CRB1: variants seen among roughly 807,000 people sequenced by gnomAD.
The protein encoded by CRB1 is protein crumbs homolog 1.
A neutral mutation model predicts 120.0 loss-of-function variants in CRB1; 83 were observed. That is an observed-to-expected ratio of 0.69 (90% confidence interval 0.58 to 0.83). The LOEUF (loss-of-function observed/expected upper bound fraction) is 0.83, where lower values mean the gene tolerates loss of function less well. CRB1 is among the 40% of genes least tolerant of loss of function. The pLI, the probability that CRB1 is intolerant of heterozygous loss-of-function variation, is 0.00. For synonymous variants in CRB1, 625 were observed against 612.5 expected (o/e 1.02, Z -0.30); for missense variants, 1,699 against 1,687.6 (o/e 1.01, Z -0.12).
intron 1 of CRB1, among the ~76,000 whole-genome samples, chr1:197,299,688 C>T (rs1475478123): frequency 6.6e-6 from 1 of 151,996 alleles, no homozygotes; most frequent in African/African-American, 2.4e-5. Flanking sequence ...AATGAATGAA[C>T]TACTGTTATG....
chr1:197,442,668 TACAA>T (rs1665512058), intron 11 of CRB1: 2 of 657,020 alleles, frequency 3.0e-6, no homozygotes, highest in Admixed American at 7.6e-5. Flanking sequence ...GTGTATTTAG[TACAA>T]ACATATTATC....
At chr1:197,424,774 T>G (rs1240493183) in intron 6 of CRB1, among the ~76,000 whole-genome samples, 1 of 152,224 alleles carries the variant, frequency 6.6e-6, no homozygotes, top group Non-Finnish European at 1.5e-5. Context: ...TTATTTATTC[T>G]TGTTAAATTT....
Position 197,429,446 on chromosome 1 carries a change from C to A in CRB1, c.2677-3C>A. 5.6e-6 allele frequency: 9 copies of A among 1,613,948 alleles called. No individual in the cohort carries two copies. The highest frequency in any genetic ancestry group is 7.6e-6 in the Non-Finnish European group (9 of 1,179,908). ...TTATACCTTTGATTTCTTTTCTGCTCAGTCCAACCCCTGTCACAATGGAGG... is the reference window on the plus strand; with the variant it reads ...TTATACCTTTGATTTCTTTTCTGCTAAGTCCAACCCCTGTCACAATGGAGG... On this transcript the variant is annotated splice_polypyrimidine_tract_variant and splice_region_variant and intron_variant, in intron 7 of 11. Coordinates refer to ENST00000367400, the MANE Select transcript of CRB1 (RefSeq NM_201253.3).
At chr1:197,450,707 G>A (rs76128976) in intron 11 of CRB1, among the ~76,000 whole-genome samples, 68,094 of 148,644 alleles carry the variant, frequency 0.46, 18,380 homozygotes, top group East Asian at 0.66. Flanking sequence ...TTGGGAGGCC[G>A]AGGTGGGCGG....
intron 1 of CRB1, among the ~76,000 whole-genome samples, chr1:197,274,123 C>A (rs1164788394): frequency 6.6e-6 from 1 of 152,050 alleles, no homozygotes; most frequent in Admixed American, 6.6e-5. Context: ...CCACATGGAT[C>A]ATTCTAGCTG....
the CRB1 span, chr1:197,222,858 G>T: frequency 6.6e-7 from 1 of 1,513,126 alleles, no homozygotes; most frequent in African/African-American, 1.4e-5. Flanking sequence ...ACTGGAGCTG[G>T]CAGGTTTGGA....
At position 197,349,200 on chromosome 1, in the gene CRB1, C is replaced by T. The variant is rs530402082; in HGVS notation, c.988+1721C>T. On this transcript the variant is annotated intron_variant, in intron 4 of 11. Transcript: ENST00000367400. ...CTACAGTATTCAGTACAGTAACATG[C>T]TGTACAGGTTTGTAGCCTAGCAGCA... Among the ~76,000 whole-genome samples the T allele has an allele frequency of 7.9e-5, 12 of 152,298 alleles. No individual in the cohort carries two copies. The South Asian group carries it at 2.3e-3, about 29-fold the overall frequency.
At chr1:197,356,011 TA>T (rs563232812) in intron 4 of CRB1, among the ~76,000 whole-genome samples, 43 of 152,366 alleles carry the variant, frequency 2.8e-4, no homozygotes, top group Non-Finnish European at 5.6e-4. Flanking sequence ...AAACAAAGGT[TA>T]AACTGTAAGA....
At chr1:197,285,882 A>G (rs539154264) in intron 1 of CRB1, among the ~76,000 whole-genome samples, 1 of 152,064 alleles carries the variant, frequency 6.6e-6, no homozygotes, top group East Asian at 1.9e-4. Context: ...AATTTTTAAC[A>G]ATTACTAGTT....
chr1:197,297,472 T>A (rs1656599380), intron 1 of CRB1, among the ~76,000 whole-genome samples: 1 of 151,968 alleles, frequency 6.6e-6, no homozygotes, highest in Non-Finnish European at 1.5e-5. Context: ...CTAGCTGAGG[T>A]ATGGAGTATG....
At chr1:197,417,638 G>A (rs963924911) in intron 5 of CRB1, among the ~76,000 whole-genome samples, 4 of 152,254 alleles carry the variant, frequency 2.6e-5, no homozygotes, top group Admixed American at 2.6e-4. Flanking sequence ...CTCAGCTGCA[G>A]GAATAGAGTG....
intron 1 of CRB1, 101 bp from the exon 2 acceptor site, chr1:197,328,321 A>T (rs2125303300): frequency 4.5e-6 from 4 of 886,004 alleles, no homozygotes; most frequent in East Asian, 5.2e-5. Context: ...TATGTATTTT[A>T]TTAATGAGTT....
intron 1 of CRB1, among the ~76,000 whole-genome samples, chr1:197,298,771 T>C (rs1341601619): frequency 6.6e-6 from 1 of 152,126 alleles, no homozygotes; most frequent in Non-Finnish European, 1.5e-5. Context: ...ATTGCCATCA[T>C]TGGGAACAGA....
the CRB1 span, among the ~76,000 whole-genome samples, chr1:197,226,520 C>T: frequency 0.6 from 91,227 of 151,940 alleles, 30,132 homozygotes; most frequent in East Asian, 0.94. Flanking sequence ...TCCCCTGCCA[C>T]CCATCTGTTG....
Position 197,435,133 on chromosome 1 carries a change from A to G in CRB1, c.3270A>G (p.Ile1090Met). 6.2e-7 allele frequency: 1 copy of G among 1,613,930 alleles called. No homozygotes were observed. The highest frequency in any genetic ancestry group is 8.5e-7 in the Non-Finnish European group (1 of 1,179,866). Residue 1090 changes from isoleucine (I) to methionine (M), a missense_variant, in exon 9 of 12, where the codon ATA becomes ATG. Coordinates refer to ENST00000367400, the MANE Select transcript of CRB1 (RefSeq NM_201253.3). Reference protein sequence around the residue: ...IYVGDRAIDNIKGLQGCLSTI... With the variant: ...IYVGDRAIDNMKGLQGCLSTI... The stretch of plus-strand genomic sequence containing the variant: ...TGGGAGACAGAGCTATTGACAATAT[A>G]AAGGGCCTGCAAGGGTGTCTAAGTA...
chr1:197,287,592 G>A (rs1655900181), intron 1 of CRB1, among the ~76,000 whole-genome samples: 1 of 151,788 alleles, frequency 6.6e-6, no homozygotes, highest in South Asian at 2.1e-4. Flanking sequence ...CTGACTTCTT[G>A]CAAGGGAGAG....
intron 8 of CRB1, among the ~76,000 whole-genome samples, chr1:197,434,354 T>A (rs1020693634): frequency 8.5e-5 from 13 of 152,150 alleles, no homozygotes; most frequent in African/African-American, 3.1e-4. Flanking sequence ...AAATAAAAAT[T>A]GGCATGCATT....
At chr1:197,386,254 G>A (rs1006666646) in intron 5 of CRB1, among the ~76,000 whole-genome samples, 1 of 152,094 alleles carries the variant, frequency 6.6e-6, no homozygotes, top group African/African-American at 2.4e-5. Flanking sequence ...ATTAATAAAG[G>A]ATCAAACGAT....
At chr1:197,390,473 GGCAGTA>G (rs1310956526) in intron 5 of CRB1, among the ~76,000 whole-genome samples, 1 of 151,906 alleles carries the variant, frequency 6.6e-6, no homozygotes, top group Non-Finnish European at 1.5e-5. Flanking sequence ...CATTCTCCTG[GGCAGTA>G]GAAAGATGAC....
Sources: allele counts gnomAD v4.1 joint callset (sites outside exome capture counted in the v4.1 genomes callset), GRCh38; gene constraint gnomAD v4.1.1; transcripts MANE v1.5; gene names NCBI Gene and HGNC (gene_info 2026-07-23, HGNC 2026-07-21).